The following RAP1GAP2 variants were observed in gnomAD, a reference collection of about 807,000 sequenced individuals.
RAP1GAP2 encodes the protein rap1 GTPase-activating protein 2.
Under a neutral mutation model 95.0 loss-of-function variants are expected in RAP1GAP2, and 27 were observed. The observed-to-expected ratio is 0.28, with a 90% CI of 0.21 to 0.39. RAP1GAP2 has a LOEUF of 0.39. RAP1GAP2 is among the 10% of genes least tolerant of loss of function. The pLI is 1.00. For synonymous variants in RAP1GAP2, 373 were observed against 380.9 expected (o/e 0.98, Z 0.24); for missense variants, 771 against 970.0 (o/e 0.79, Z 2.72).
At chr17:2,778,020 GGC>G (rs1372214987) in intron 1 of RAP1GAP2, among the ~76,000 whole-genome samples, 3 of 139,122 alleles carry the variant, frequency 2.2e-5, no homozygotes, top group African/African-American at 6.4e-5. Flanking sequence ...GAGGCGGGGA[GGC>G]TGGGAGGCTG....
chr17:2,890,834 G>A (rs550944650), intron 2 of RAP1GAP2, among the ~76,000 whole-genome samples: 24 of 151,936 alleles, frequency 1.6e-4, no homozygotes, highest in African/African-American at 4.8e-4. Context: ...ACAGGCGCCC[G>A]CCACCACGCC....
intron 9 of RAP1GAP2, 86 bp from the exon 10 acceptor site, chr17:2,981,109 C>T: frequency 7.7e-7 from 1 of 1,297,570 alleles, no homozygotes; most frequent in Non-Finnish European, 1.1e-6. Context: ...CTCGCCCTCC[C>T]ATGCCGCATT....
intron 3 of RAP1GAP2, among the ~76,000 whole-genome samples, chr17:2,930,175 G>A (rs984484553): frequency 1.5e-4 from 23 of 152,242 alleles, no homozygotes; most frequent in Non-Finnish European, 2.9e-5. Flanking sequence ...TCGCTGGCTG[G>A]GAGATGACTG....
chr17:2,992,402 C>T (rs11871614), intron 12 of RAP1GAP2, among the ~76,000 whole-genome samples: 35,831 of 151,942 alleles, frequency 0.24, 4,954 homozygotes, highest in Non-Finnish European at 0.32. Flanking sequence ...CCTCATGATC[C>T]GCCCGTCTGG....
At chr17:2,760,292 CAAAAA>C (rs374784170) in intron 1 of RAP1GAP2, among the ~76,000 whole-genome samples, 2 of 59,238 alleles carry the variant, frequency 3.4e-5, no homozygotes, top group Non-Finnish European at 6.5e-5. Context: ...GACTCTGTCT[CAAAAA>C]AAAAAAAAAA....
chr17:2,931,280 T>TTGTGTGTGGGTG (rs1555571270), intron 3 of RAP1GAP2, among the ~76,000 whole-genome samples: 2 of 146,666 alleles, frequency 1.4e-5, no homozygotes, highest in African/African-American at 5.2e-5. Context: ...TGAGTGTTTC[T>TTGTGTGTGGGTG]TGTGTGTGTG....
intron 3 of RAP1GAP2, among the ~76,000 whole-genome samples, chr17:2,933,963 T>G (rs536547366): frequency 5.9e-5 from 9 of 152,344 alleles, no homozygotes; most frequent in Middle Eastern, 6.8e-3. Context: ...CCCAGTTGTT[T>G]CTTGGAAAAA....
chr17:2,780,151 A>G (rs1189340373), intron 1 of RAP1GAP2, among the ~76,000 whole-genome samples: 1 of 152,172 alleles, frequency 6.6e-6, no homozygotes, highest in Non-Finnish European at 1.5e-5. Flanking sequence ...CCTGGGTTCA[A>G]GTGATTCTCC....
intron 2 of RAP1GAP2, among the ~76,000 whole-genome samples, chr17:2,839,414 A>C (rs1034322055): frequency 2.4e-4 from 37 of 152,236 alleles, no homozygotes; most frequent in Admixed American, 1.9e-3. Context: ...AACTTACATT[A>C]GTACGATCCA....
intron 3 of RAP1GAP2, among the ~76,000 whole-genome samples, chr17:2,930,216 ACCTT>A (rs2043098028): frequency 6.6e-6 from 1 of 152,162 alleles, no homozygotes; most frequent in Admixed American, 6.5e-5. Context: ...GTGGGTCTGG[ACCTT>A]CCTACAGTGG....
chr17:2,877,485 C>T (rs1195658647), intron 2 of RAP1GAP2, among the ~76,000 whole-genome samples: 3 of 152,158 alleles, frequency 2.0e-5, no homozygotes, highest in African/African-American at 7.2e-5. Context: ...TGGTGGCTCA[C>T]ACCTGTAATC....
At chr17:2,858,888 G>A (rs1029981206) in intron 2 of RAP1GAP2, among the ~76,000 whole-genome samples, 2 of 151,672 alleles carry the variant, frequency 1.3e-5, no homozygotes, top group Non-Finnish European at 2.9e-5. Flanking sequence ...CTCCAGCCTG[G>A]GCAACAGGAA....
At chr17:2,787,104 C>T (rs556454562) in intron 1 of RAP1GAP2, among the ~76,000 whole-genome samples, 90 of 151,992 alleles carry the variant, frequency 5.9e-4, no homozygotes, top group Middle Eastern at 3.4e-3. Flanking sequence ...GCGCATGCCA[C>T]CATACCTGGC....
intron 17 of RAP1GAP2, among the ~76,000 whole-genome samples, chr17:3,014,573 A>G (rs938091169): frequency 2.3e-5 from 3 of 129,202 alleles, no homozygotes; most frequent in Admixed American, 8.6e-5. Flanking sequence ...TTTTTTTGAG[A>G]CAGTCTCGTT....
intron 2 of RAP1GAP2, among the ~76,000 whole-genome samples, chr17:2,833,569 AGTCCC>A (rs2070998471): frequency 6.6e-6 from 1 of 151,466 alleles, no homozygotes. Context: ...GGGCGCCTGT[AGTCCC>A]AGCTACTTGG....
intron 14 of RAP1GAP2, among the ~76,000 whole-genome samples, chr17:2,999,523 C>A (rs1255544316): frequency 6.6e-6 from 1 of 152,184 alleles, no homozygotes; most frequent in African/African-American, 2.4e-5. Flanking sequence ...AACCATGAGG[C>A]CTGAAAATGT....
At chr17:2,796,150 G>T (rs553891442), upstream of RAP1GAP2, among the ~76,000 whole-genome samples, 3 of 152,264 alleles carry the variant, frequency 2.0e-5, no homozygotes, top group South Asian at 2.1e-4. This position sits in a 1 kb window ranked among gnomAD's most constrained non-coding sequence, Gnocchi z 4.7. Context: ...GTCCCTCCTA[G>T]GCGTGGCTGT....
rs1030412717 is a variant in RAP1GAP2 at position 3,004,554 on chromosome 17, A to C, written c.1201-815A>C. ...AGTCAGGGCACCTCTGTGCAGAGGG[A>C]AGGCGGGGTGTGGGGCCCGTCCCAC... On this transcript the variant is annotated intron_variant, in intron 14 of 24. Coordinates refer to ENST00000254695, the MANE Select transcript of RAP1GAP2 (RefSeq NM_015085.5). The surrounding 1 kb of genome is among the most constrained non-coding windows in gnomAD (Gnocchi z 4.1). Among the ~76,000 whole-genome samples the C allele has an allele frequency of 6.6e-6, 1 of 152,212 alleles. No individual in the cohort carries two copies. Among genetic ancestry groups the C allele is most frequent in the South Asian group, 2.1e-4 (1 of 4,832 alleles).
chr17:2,779,331 C>T (rs887077573), intron 1 of RAP1GAP2, among the ~76,000 whole-genome samples: 1 of 152,172 alleles, frequency 6.6e-6, no homozygotes, highest in African/African-American at 2.4e-5. Context: ...AAGGGCTTCA[C>T]CCGGGGTATT....
Sources: gnomAD v4.1 joint callset for allele counts (sites outside exome capture counted in the v4.1 genomes callset) on GRCh38, gnomAD v4.1.1 for gene constraint, Gnocchi (gnomAD v3.1) non-coding constraint, MANE v1.5 for transcripts, NCBI Gene and HGNC (gene_info 2026-07-23, HGNC 2026-07-21) for gene names.